Variants in SLIT3 observed in about 807,000 individuals in gnomAD.
The protein encoded by SLIT3 is slit guidance ligand 3.
In SLIT3, 68 loss-of-function variants were observed where a neutral mutation model predicts 184.0. That is an observed-to-expected ratio of 0.37 (90% CI 0.30 to 0.45). SLIT3 has a LOEUF of 0.45. Among genes scored for constraint, SLIT3 ranks in the 20% least tolerant of loss-of-function variants. The probability of loss-of-function intolerance (pLI) is 1.00; values close to 1 mark genes in which losing one functional copy is unlikely to be tolerated. For synonymous variants in SLIT3, 831 were observed against 828.6 expected (o/e 1.00, Z -0.05); for missense variants, 1,707 against 2,026.0 (o/e 0.84, Z 3.02).
chr5:169,039,515 C>T lies in SLIT3; in HGVS notation c.413+153964G>A, dbSNP rs577642650. On this transcript the variant is annotated intron_variant, in intron 4 of 35. Coordinates refer to ENST00000519560, the MANE Select transcript of SLIT3 (RefSeq NM_003062.4). ...GTATTTTTTAGTAGAGACGGGGTTT[C>T]ACCATGTTAGCCGGGATGGTCTCAA... 8.7e-4 allele frequency among the ~76,000 whole-genome samples: 132 copies of T among 152,116 alleles called. No individual in the cohort carries two copies. The Middle Eastern group carries it at 0.014, about 16-fold the overall frequency.
intron 4 of SLIT3, among the ~76,000 whole-genome samples, chr5:168,992,613 G>A (rs1162185247): frequency 6.6e-6 from 1 of 152,126 alleles, no homozygotes; most frequent in Non-Finnish European, 1.5e-5. Flanking sequence ...AAAGTTCTCT[G>A]GTCAGGTTGG....
chr5:169,026,523 T>C (rs1756829672), intron 4 of SLIT3: 1 of 152,194 alleles, frequency 6.6e-6, no homozygotes, highest in Non-Finnish European at 1.5e-5. Flanking sequence ...TGCAGGATTA[T>C]GATATACAGA....
intron 32 of SLIT3, among the ~76,000 whole-genome samples, chr5:168,673,557 A>G (rs1471775543): frequency 6.6e-6 from 1 of 152,220 alleles, no homozygotes; most frequent in Non-Finnish European, 1.5e-5. Context: ...TGTGCATTTT[A>G]TGTATACACA....
At position 169,003,301 on chromosome 5, in the gene SLIT3, T is replaced by C. The variant is rs534112446; in HGVS notation, c.414-119965A>G. Among the ~76,000 whole-genome samples, 13 of 152,360 alleles carry C rather than the reference T, an allele frequency of 8.5e-5. No individual in the cohort carries two copies. The East Asian group carries it at 1.2e-3, about 14-fold the overall frequency. On this transcript the variant is annotated intron_variant, in intron 4 of 35. Transcript: ENST00000519560. The stretch of plus-strand genomic sequence containing the variant: ...CTTGCAGAATATGGGCCCTAGCTTC[T>C]GGGCAGACCAGGGCACTCAGTACAT...
At chr5:168,722,354 T>C (rs1762970497) in intron 22 of SLIT3, 27 bp from the exon 23 acceptor site, 10 of 1,608,734 alleles carry the variant, frequency 6.2e-6, no homozygotes, top group Non-Finnish European at 8.5e-6. Context: ...ATGTGCCCTG[T>C]TGTGTCTTTC....
chr5:169,162,634 G>A (rs1762515731), intron 4 of SLIT3, among the ~76,000 whole-genome samples: 1 of 152,192 alleles, frequency 6.6e-6, no homozygotes, highest in South Asian at 2.1e-4. Context: ...CAAAGCATCC[G>A]TGTTCAGAGG....
intron 4 of SLIT3, among the ~76,000 whole-genome samples, chr5:169,009,132 A>G (rs1756044313): frequency 6.6e-6 from 1 of 152,198 alleles, no homozygotes; most frequent in African/African-American, 2.4e-5. Flanking sequence ...ATTAGGAGGA[A>G]GCAATTATCT....
intron 4 of SLIT3, among the ~76,000 whole-genome samples, chr5:169,074,890 C>G (rs539740764): frequency 6.6e-6 from 1 of 152,194 alleles, no homozygotes; most frequent in South Asian, 2.1e-4. Context: ...GGCTTTGGAG[C>G]CTTAGGACAA....
intron 4 of SLIT3, among the ~76,000 whole-genome samples, chr5:168,890,145 A>T (rs1350650254): frequency 2.6e-5 from 4 of 151,248 alleles, no homozygotes; most frequent in Non-Finnish European, 5.9e-5. Context: ...TCTAAAAAAA[A>T]AAAAAAAAAA....
intron 3 of SLIT3, among the ~76,000 whole-genome samples, chr5:169,210,085 A>T (rs937142227): frequency 2.6e-5 from 4 of 152,220 alleles, no homozygotes; most frequent in African/African-American, 9.6e-5. Context: ...GCCCCGTGTG[A>T]ACATGTGATG....
At chr5:169,216,978 T>A (rs1467000854) in intron 3 of SLIT3, among the ~76,000 whole-genome samples, 4 of 152,134 alleles carry the variant, frequency 2.6e-5, no homozygotes, top group African/African-American at 9.7e-5. Flanking sequence ...GAGCCACTGA[T>A]ACCTGGGAGT....
At chr5:168,941,605 A>G (rs1020845435) in intron 4 of SLIT3, among the ~76,000 whole-genome samples, 23 of 152,306 alleles carry the variant, frequency 1.5e-4, no homozygotes, top group Middle Eastern at 3.4e-3. Context: ...TCCCAAGTGG[A>G]GAAATGGAAA....
At chr5:168,778,291 C>G (rs867593943) in intron 12 of SLIT3, among the ~76,000 whole-genome samples, 1 of 152,264 alleles carries the variant, frequency 6.6e-6, no homozygotes, top group Non-Finnish European at 1.5e-5. Context: ...TGGTGACGGA[C>G]TCAACCAAGG....
intron 4 of SLIT3, among the ~76,000 whole-genome samples, chr5:168,959,807 T>G (rs1476104891): frequency 1.3e-5 from 2 of 152,186 alleles, no homozygotes; most frequent in African/African-American, 4.8e-5. Context: ...ACCCTGGCTG[T>G]GGCATTTCGT....
chr5:169,028,312 C>T (rs570156802), intron 4 of SLIT3, among the ~76,000 whole-genome samples: 31 of 152,188 alleles, frequency 2.0e-4, no homozygotes, highest in Middle Eastern at 3.4e-3. Context: ...CCTAGAACTG[C>T]GTCTACTCTT....
At chr5:169,007,784 A>G (rs1451300637) in intron 4 of SLIT3, among the ~76,000 whole-genome samples, 1 of 152,242 alleles carries the variant, frequency 6.6e-6, no homozygotes, top group Admixed American at 6.5e-5. Context: ...ACACACATAC[A>G]CACCTTTTGC....
intron 4 of SLIT3, among the ~76,000 whole-genome samples, chr5:169,100,864 G>T (rs762960387): frequency 6.6e-6 from 1 of 152,240 alleles, no homozygotes; most frequent in Non-Finnish European, 1.5e-5. Context: ...ACAAGCTGAT[G>T]CAGGAAAATC....
intron 20 of SLIT3, among the ~76,000 whole-genome samples, chr5:168,729,509 A>T (rs1763233070): frequency 6.6e-6 from 1 of 152,090 alleles, no homozygotes; most frequent in Admixed American, 6.5e-5. Flanking sequence ...GAAAGAAAAA[A>T]AAAAACTGTC....
At chr5:168,763,754 T>C (rs550807913) in intron 14 of SLIT3, among the ~76,000 whole-genome samples, 1 of 152,304 alleles carries the variant, frequency 6.6e-6, no homozygotes, top group African/African-American at 2.4e-5. Flanking sequence ...CATAAGCTTA[T>C]TGATGGGGCC....
Sources: gnomAD v4.1 joint callset for allele counts (sites outside exome capture counted in the v4.1 genomes callset) on GRCh38, gnomAD v4.1.1 for gene constraint, MANE v1.5 for transcripts, NCBI Gene and HGNC (gene_info 2026-07-23, HGNC 2026-07-21) for gene names.